The following ABCC12 variants were observed in gnomAD, a reference collection of about 807,000 sequenced individuals.
ABCC12 encodes ATP-binding cassette sub-family C member 12.
A neutral mutation model predicts 151.1 loss-of-function variants in ABCC12; 142 were observed. The ratio of observed to expected loss-of-function variants is 0.94; its 90% CI spans 0.82 to 1.08. The LOEUF (loss-of-function observed/expected upper bound fraction) is 1.08. ABCC12 is among the 50% of genes least tolerant of loss of function. ABCC12 has a pLI of 0.00. For synonymous variants in ABCC12, 645 were observed against 646.4 expected (o/e 1.00, Z 0.03); for missense variants, 1,638 against 1,691.1 (o/e 0.97, Z 0.55).
Position 48,082,340 on chromosome 16 carries a change from C to T in ABCC12, c.*1375G>A, listed in dbSNP as rs988874417. On this transcript the variant is annotated 3_prime_UTR_variant, in exon 31 of 31. Transcript: ENST00000311303. ...GGGTAGACCCCTGCCCAGGCCTGGCCGGAGGAGGGCTGGAGAATAATCGGT... is the reference window on the plus strand; with the variant it reads ...GGGTAGACCCCTGCCCAGGCCTGGCTGGAGGAGGGCTGGAGAATAATCGGT... 6.6e-6 allele frequency among the ~76,000 whole-genome samples: 1 copy of T among 152,168 alleles called. No homozygotes were observed. The highest frequency in any genetic ancestry group is 1.5e-5 in the Non-Finnish European group (1 of 68,038).
In ABCC12 at chr16:48,128,737, T is replaced by C. The variant is rs1964324519; in HGVS notation, c.1237A>G (p.Lys413Glu). 2 of 1,611,436 alleles carry C rather than the reference T, an allele frequency of 1.2e-6. No individual in the cohort carries two copies. Among genetic ancestry groups the C allele is most frequent in the African/African-American group, 2.7e-5 (2 of 74,688 alleles). ...EANVSLRRMK[K>E]ILIDKSPPSY... ...GGGGGGCTTTTATCTATGAGAATTT[T>C]CTAAGATTAAAGAGACAAAATTAAC... is the stretch of plus-strand genomic sequence containing the variant. Residue 413 changes from lysine to glutamate, a missense_variant and splice_region_variant, in exon 11 of 31, where the codon AAA (lysine) becomes GAA (glutamate). By Grantham distance (56) the Lys-to-Glu change is moderately conservative (BLOSUM62 1). Transcript: ENST00000311303.
chr16:48,144,592 G>C (rs2150679073), intron 3 of ABCC12, among the ~76,000 whole-genome samples: 1 of 152,236 alleles, frequency 6.6e-6, no homozygotes, highest in East Asian at 1.9e-4. Flanking sequence ...CTTTCTAGAA[G>C]GACCTAGTAG....
chr16:48,111,566 T>A lies in ABCC12; in HGVS notation c.2209+12A>T. The A allele has an allele frequency of 1.2e-6, 2 of 1,614,186 alleles. No homozygotes were observed. Among genetic ancestry groups the A allele is most frequent in the Non-Finnish European group, 1.7e-6 (2 of 1,180,026 alleles). On this transcript the variant is annotated intron_variant, in intron 17 of 30. Transcript: ENST00000311303. Reference sequence around the variant, plus strand: ...TTCAAGCCAAGGACAATAACAGGGATGGGATTCTAACCGATTATACCAGCA... The same window carrying A: ...TTCAAGCCAAGGACAATAACAGGGAAGGGATTCTAACCGATTATACCAGCA...
rs773713383 is a variant in ABCC12, at chr16:48,141,191, G to A, written c.423+15C>T. 3 of 1,611,046 alleles carry A rather than the reference G, an allele frequency of 1.9e-6. No homozygotes were observed. The highest frequency in any genetic ancestry group is 2.7e-5 in the African/African-American group (2 of 74,846). ...GGGGACCTAGCAGATGAGGAGGAAG[G>A]GCTGCCGCACTCACCGGCCCTATGG... On this transcript the variant is annotated intron_variant, in intron 5 of 30. Transcript: ENST00000311303.
chr16:48,086,973 C>T (rs549010233), intron 27 of ABCC12, among the ~76,000 whole-genome samples, 154 bp from the exon 28 acceptor site: 32 of 152,110 alleles, frequency 2.1e-4, no homozygotes, highest in Non-Finnish European at 4.6e-4. Flanking sequence ...GACAGTGGTC[C>T]ACAAAATATG....
At chr16:48,131,361 G>A (rs1454437130) in intron 9 of ABCC12, among the ~76,000 whole-genome samples, 1 of 152,158 alleles carries the variant, frequency 6.6e-6, no homozygotes, top group African/African-American at 2.4e-5. Context: ...AGGCTCCCTG[G>A]AGGGACCTGC....
At position 48,088,610 on chromosome 16, in the gene ABCC12, A is replaced by C; in HGVS notation, c.3410T>G (p.Leu1137Arg). ...TTGTATGTTCAAGTTCAGGCTGTCG[A>C]GAACAAGGGGGGTGTTGTCTCTGTA... Reference protein sequence around the residue: ...MRYRDNTPLVLDSLNLNIQSG... With the variant: ...MRYRDNTPLVRDSLNLNIQSG... The change falls in exon 26 of 31, where the codon CTC becomes CGC. Residue 1137 changes from leucine to arginine, a missense_variant. Leu to Arg is a moderately radical substitution (Grantham distance 102). Transcript: ENST00000311303. 1 of 1,614,240 alleles carries C rather than the reference A, an allele frequency of 6.2e-7. No individual in the cohort carries two copies. Among genetic ancestry groups the C allele is most frequent in the South Asian group, 1.1e-5 (1 of 91,088 alleles).
chr16:48,138,160 G>A lies in ABCC12; in HGVS notation c.979+68C>T, dbSNP rs1033828933. 3.8e-5 allele frequency: 57 copies of A among 1,483,296 alleles called. No individual in the cohort carries two copies. The East Asian group carries it at 4.8e-4, about 13-fold the overall frequency. The allele number at this position is 1,483,296 out of a possible 1,614,324, so 91.9% of individuals were successfully genotyped here. A position where few individuals can be genotyped will look rare whatever the true frequency, so the allele number is the denominator to read the frequency against. ...TCTGGAATGCCTGGCCCTGGGAACC[G>A]TAAGAACCCCTTAGAAGAGCATATT... On this transcript the variant is annotated intron_variant, in intron 8 of 30. Transcript: ENST00000311303.
chr16:48,124,224 G>A lies in ABCC12; in HGVS notation c.1576C>T (p.Leu526Phe), dbSNP rs1172001140. Reference protein sequence around the residue: ...GSGKSSLLAALLGQMQLQKGV... With the variant: ...GSGKSSLLAAFLGQMQLQKGV... ...ATCACACAGCTTACCTGTCCTAGGA[G>A]AGCTGCAAGGAGGGAGCTCTTTCCA... The change falls in exon 12 of 31, where the codon CTC becomes TTC. Residue 526 changes from leucine (L) to phenylalanine (F), a missense_variant. Coordinates refer to ENST00000311303, the MANE Select transcript of ABCC12 (RefSeq NM_001393797.1). The A allele has an allele frequency of 1.2e-6, 2 of 1,614,084 alleles. No individual in the cohort carries two copies. Among genetic ancestry groups the A allele is most frequent in the Non-Finnish European group, 1.7e-6 (2 of 1,179,914 alleles).
chr16:48,154,644 C>A (rs1236460144), intron 1 of ABCC12, among the ~76,000 whole-genome samples: 1 of 152,206 alleles, frequency 6.6e-6, no homozygotes, highest in Non-Finnish European at 1.5e-5. Context: ...CAAGAGAGAA[C>A]AAAAGATGTC....
intron 27 of ABCC12, 83 bp downstream of exon 27, chr16:48,087,843 T>C: frequency 6.8e-7 from 1 of 1,463,512 alleles, no homozygotes; most frequent in Non-Finnish European, 9.3e-7. Flanking sequence ...AGGCCAGCCA[T>C]GCCCTGGGGA....
At chr16:48,118,337 A>C (rs1963959395) in intron 13 of ABCC12, among the ~76,000 whole-genome samples, 1 of 152,118 alleles carries the variant, frequency 6.6e-6, no homozygotes, top group Non-Finnish European at 1.5e-5. Flanking sequence ...CCATAAGCAG[A>C]ACCTTCCCCA....
At chr16:48,149,109 T>G (rs1965081466) in intron 2 of ABCC12, among the ~76,000 whole-genome samples, 1 of 151,954 alleles carries the variant, frequency 6.6e-6, no homozygotes, top group Non-Finnish European at 1.5e-5. Context: ...AAATTAAGTA[T>G]GGGATGATAT....
At chr16:48,132,150 G>A (rs1219741302) in intron 9 of ABCC12, among the ~76,000 whole-genome samples, 4 of 152,156 alleles carry the variant, frequency 2.6e-5, no homozygotes, top group South Asian at 4.1e-4. Flanking sequence ...TATGTTGCTG[G>A]AGGAAAAAAA....
chr16:48,115,810 G>A (rs994258045), intron 14 of ABCC12, among the ~76,000 whole-genome samples, 192 bp from the exon 15 acceptor site: 1 of 152,222 alleles, frequency 6.6e-6, no homozygotes, highest in Non-Finnish European at 1.5e-5. Context: ...TGCTCCACTT[G>A]TCTACCTCTC....
chr16:48,104,130 A>G lies in ABCC12; in HGVS notation c.2900+12T>C. Reference sequence around the variant, plus strand: ...TGTATCGTTTTCTCGTGTAAATAGCACATGGGCCTACCGTAACAGAATGAA... The same window carrying G: ...TGTATCGTTTTCTCGTGTAAATAGCGCATGGGCCTACCGTAACAGAATGAA... On this transcript the variant is annotated intron_variant, in intron 22 of 30. Transcript: ENST00000311303. 6.2e-7 allele frequency: 1 copy of G among 1,612,596 alleles called. No individual in the cohort carries two copies. Among genetic ancestry groups the G allele is most frequent in the African/African-American group, 1.3e-5 (1 of 74,848 alleles).
chr16:48,146,220 G>A (rs1964995807), intron 3 of ABCC12, 86 bp downstream of exon 3: 3 of 1,158,124 alleles, frequency 2.6e-6, no homozygotes, highest in Admixed American at 1.8e-5. Flanking sequence ...AGCAGCAGAT[G>A]GGTTGCAGGA....
At chr16:48,144,089 C>A in intron 3 of ABCC12, 24 bp from the exon 4 acceptor site, 1 of 1,601,204 alleles carries the variant, frequency 6.2e-7, no homozygotes, top group South Asian at 1.1e-5. Flanking sequence ...AGACACTCAG[C>A]GTTCCAGGCA....
In ABCC12 at chr16:48,128,618, G is replaced by C. The variant is rs1240481930; in HGVS notation, c.1356C>G (p.Thr452=). ...TWEHEASRKS[T]PKKLQNQKRH... ...TTTTCTGGTTCTGCAATTTCTTTGG[G>C]GTACTTTTCCTGCTGGCTTCATGCT... Residue 452 remains threonine (T), a synonymous_variant, in exon 11 of 31, where the codon ACC becomes ACG. Transcript: ENST00000311303. The C allele has an allele frequency of 6.2e-7, 1 of 1,614,146 alleles. No individual in the cohort carries two copies. Among genetic ancestry groups the C allele is most frequent in the East Asian group, 2.2e-5 (1 of 44,880 alleles).
Sources: gnomAD v4.1 joint callset for allele counts (sites outside exome capture counted in the v4.1 genomes callset) on GRCh38, gnomAD v4.1.1 for gene constraint, MANE v1.5 for transcripts, NCBI Gene and HGNC (gene_info 2026-07-23, HGNC 2026-07-21) for gene names.